The following DST variants were observed in gnomAD, a reference collection of about 807,000 sequenced individuals.
DST encodes the protein bullous pemphigoid antigen.
In DST, 253 loss-of-function variants were observed where a neutral mutation model predicts 875.2. The observed-to-expected ratio is 0.29, with a 90% CI of 0.26 to 0.32. The LOEUF is 0.32. DST is among the 10% of genes least tolerant of loss of function. The pLI, the probability that DST is intolerant of heterozygous loss-of-function variation, is 1.00. For missense variants in DST, 8,287 were observed against 9,111.6 expected (o/e 0.91, Z 3.68); for synonymous variants, 3,124 against 3,197.1 (o/e 0.98, Z 0.77).
Position 56,603,321 on chromosome 6 carries a change from C to G in DST, c.11041G>C (p.Gly3681Arg). The change falls in exon 42 of 104, where the codon GGC (glycine) becomes CGC (arginine). Residue 3681 changes from glycine (G) to arginine (R), a missense_variant. Gly to Arg is a moderately radical substitution (Grantham distance 125). Transcript: ENST00000680361. ...LKSLPSDFPR[G>R]HVEELSISHQ... ...CTAATACTCAATTCTTCAACATGGCCTCTGGGAAAGTCACTGGGAAGAGAC... is the reference window on the plus strand; with the variant it reads ...CTAATACTCAATTCTTCAACATGGCGTCTGGGAAAGTCACTGGGAAGAGAC... 6.2e-7 allele frequency: 1 copy of G among 1,611,200 alleles called. No individual in the cohort carries two copies. The highest frequency in any genetic ancestry group is 8.5e-7 in the Non-Finnish European group (1 of 1,179,062).
chr6:56,608,165 C>T lies in DST; in HGVS notation c.6463G>A (p.Ala2155Thr). ...DKMPDLGDLE[A>T]CKNARRWLSF... The stretch of plus-strand genomic sequence containing the variant: ...AGCCATCTTCTGGCATTTTTACAAG[C>T]TTCTAAATCTCCTAAATCTGGCATT... The change falls in exon 40 of 104, where the codon GCT (alanine) becomes ACT (threonine). Residue 2155 changes from alanine to threonine, a missense_variant. By Grantham distance (58) the Ala-to-Thr change is moderately conservative (BLOSUM62 0). Coordinates refer to ENST00000680361, the MANE Select transcript of DST (RefSeq NM_001374736.1). 1 of 1,613,700 alleles carries T rather than the reference C, an allele frequency of 6.2e-7. No individual in the cohort carries two copies. Among genetic ancestry groups the T allele is most frequent in the Non-Finnish European group, 8.5e-7 (1 of 1,179,738 alleles).
chr6:56,722,684 A>G (rs1439595698), intron 5 of DST, among the ~76,000 whole-genome samples: 1 of 151,976 alleles, frequency 6.6e-6, no homozygotes, highest in Non-Finnish European at 1.5e-5. Flanking sequence ...GCCCAGCCTA[A>G]AAGTAGTACA....
At chr6:56,763,646 G>A (rs867505941) in intron 4 of DST, among the ~76,000 whole-genome samples, 6 of 144,340 alleles carry the variant, frequency 4.2e-5, no homozygotes, top group Middle Eastern at 3.4e-3. Context: ...CGCTCCAGCC[G>A]ACAGAACGAG....
At chr6:56,708,383 A>C (rs1348820269) in intron 5 of DST, among the ~76,000 whole-genome samples, 6 of 152,218 alleles carry the variant, frequency 3.9e-5, no homozygotes, top group African/African-American at 7.2e-5. Context: ...ATTTTTTAAG[A>C]ATTTTAGAAG....
intron 10 of DST, among the ~76,000 whole-genome samples, chr6:56,661,437 C>T (rs1285729371): frequency 2.0e-5 from 3 of 152,072 alleles, no homozygotes; most frequent in Non-Finnish European, 4.4e-5. Context: ...TTGATCAAAA[C>T]CCATCTTCCC....
intron 4 of DST, among the ~76,000 whole-genome samples, chr6:56,849,943 T>C (rs905106689): frequency 1.3e-5 from 2 of 152,208 alleles, no homozygotes; most frequent in Non-Finnish European, 2.9e-5. Flanking sequence ...CTATCTTCCC[T>C]TTCTGCTGAG....
intron 9 of DST, among the ~76,000 whole-genome samples, chr6:56,679,188 C>T (rs2099145127): frequency 6.6e-6 from 1 of 152,098 alleles, no homozygotes; most frequent in Non-Finnish European, 1.5e-5. Flanking sequence ...TTTATCATTT[C>T]CACCACTTCC....
chr6:56,901,186 G>A (rs1201507919), intron 2 of DST, among the ~76,000 whole-genome samples: 1 of 152,232 alleles, frequency 6.6e-6, no homozygotes, highest in African/African-American at 2.4e-5. Context: ...TCCAAATGCT[G>A]ACTTCTTAAT....
chr6:56,791,804 G>C (rs1476519987), intron 4 of DST, among the ~76,000 whole-genome samples: 1 of 143,222 alleles, frequency 7.0e-6, no homozygotes, highest in African/African-American at 2.6e-5. Flanking sequence ...AAAAAAAAAA[G>C]AAAGAAAGAA....
chr6:56,900,979 G>A (rs1490204929), intron 2 of DST, among the ~76,000 whole-genome samples: 4 of 152,010 alleles, frequency 2.6e-5, no homozygotes, highest in Non-Finnish European at 4.4e-5. Context: ...GCCTGAAGTA[G>A]AGTGTAGGGA....
At chr6:56,526,284 T>C in intron 69 of DST, 77 bp downstream of exon 69, 2 of 1,398,194 alleles carry the variant, frequency 1.4e-6, no homozygotes, top group Non-Finnish European at 2.0e-6. Flanking sequence ...GTATTAACAG[T>C]CATCTTTGTT....
In DST at chr6:56,607,904, C is replaced by A; in HGVS notation, c.6724G>T (p.Asp2242Tyr). Residue 2242 changes from aspartate to tyrosine, a missense_variant, in exon 40 of 104, where the codon GAT becomes TAT. Asp to Tyr is a radical substitution (Grantham distance 160). Coordinates refer to ENST00000680361, the MANE Select transcript of DST (RefSeq NM_001374736.1). Reference protein sequence around the residue: ...MLLEGCHAEFDGNTAIKECLD... With the variant: ...MLLEGCHAEFYGNTAIKECLD... ...CATTCTTTTATGGCTGTGTTTCCAT[C>A]AAATTCTGCATGACAGCCTTCCAGT... 6.2e-7 allele frequency: 1 copy of A among 1,613,700 alleles called. No homozygotes were observed. Among genetic ancestry groups the A allele is most frequent in the African/African-American group, 1.3e-5 (1 of 75,024 alleles).
chr6:56,615,730 A>G, intron 36 of DST: 2 of 1,614,112 alleles, frequency 1.2e-6, no homozygotes, highest in African/African-American at 2.7e-5. Flanking sequence ...CTACTTGGAG[A>G]GCCTCTTCTA....
At chr6:56,813,488 C>A (rs2099763115) in intron 4 of DST, among the ~76,000 whole-genome samples, 1 of 151,848 alleles carries the variant, frequency 6.6e-6, no homozygotes, top group African/African-American at 2.4e-5. Context: ...TTAAGAAATA[C>A]AAATTTGCCT....
intron 78 of DST, among the ~76,000 whole-genome samples, chr6:56,502,829 T>C (rs1433746755): frequency 6.6e-6 from 1 of 152,132 alleles, no homozygotes; most frequent in Non-Finnish European, 1.5e-5. Context: ...AATGCTACAA[T>C]TTTAAAGCCA....
At chr6:56,879,675 G>A (rs975983316) in intron 3 of DST, among the ~76,000 whole-genome samples, 1 of 152,154 alleles carries the variant, frequency 6.6e-6, no homozygotes, top group Non-Finnish European at 1.5e-5. Context: ...AGTATACCAT[G>A]ATTAAATTTT....
At chr6:56,520,899 G>A (rs150680283) in intron 69 of DST, among the ~76,000 whole-genome samples, 70 of 152,046 alleles carry the variant, frequency 4.6e-4, no homozygotes, top group African/African-American at 1.4e-3. Context: ...CTTCATAAAC[G>A]TGGGGTATAA....
chr6:56,774,948 C>T (rs1327287746), intron 4 of DST, among the ~76,000 whole-genome samples: 3 of 147,368 alleles, frequency 2.0e-5, no homozygotes, highest in Non-Finnish European at 4.4e-5. Flanking sequence ...GCCAAGATGG[C>T]GCCATTGCAC....
intron 5 of DST, among the ~76,000 whole-genome samples, chr6:56,713,496 C>T (rs1029904993): frequency 6.6e-6 from 1 of 152,132 alleles, no homozygotes; most frequent in African/African-American, 2.4e-5. Context: ...TATCCTTAAC[C>T]GAACAGTGAG....
Sources: gnomAD v4.1 joint callset for allele counts (sites outside exome capture counted in the v4.1 genomes callset) on GRCh38, gnomAD v4.1.1 for gene constraint, MANE v1.5 for transcripts, NCBI Gene and HGNC (gene_info 2026-07-23, HGNC 2026-07-21) for gene names.